BMP2K: variants seen among roughly 807,000 people sequenced by gnomAD.
The protein encoded by BMP2K is BMP-2-inducible protein kinase.
A neutral mutation model predicts 116.0 loss-of-function variants in BMP2K; 74 were observed. That is an observed-to-expected ratio of 0.64 (90% CI 0.53 to 0.77). BMP2K has a LOEUF of 0.77. Ranked by LOEUF, BMP2K falls within the 30% of genes least tolerant of loss-of-function variation. The pLI, the probability that BMP2K is intolerant of heterozygous loss-of-function variation, is 0.00. For synonymous variants in BMP2K, 486 were observed against 502.5 expected (o/e 0.97, Z 0.44); for missense variants, 1,365 against 1,403.6 (o/e 0.97, Z 0.44).
chr4:78,836,989 G>A (rs576757513), intron 3 of BMP2K, among the ~76,000 whole-genome samples: 37 of 151,888 alleles, frequency 2.4e-4, no homozygotes, highest in African/African-American at 7.7e-4. Context: ...TTTTTGTGGC[G>A]TTTTTGTCTT....
chr4:78,865,487 G>A, intron 9 of BMP2K, 70 bp from the exon 10 acceptor site: 3 of 1,433,638 alleles, frequency 2.1e-6, no homozygotes, highest in Non-Finnish European at 2.9e-6. Flanking sequence ...TGAGTTGGAT[G>A]CTTTATAGAA....
In BMP2K at chr4:78,879,010, C is replaced by T. The variant is rs139688273; in HGVS notation, c.1951+119C>T. 6.5e-4 allele frequency: 966 copies of T among 1,493,242 alleles called. 3 individuals carry two copies. In the African/African-American group the frequency reaches 0.013, roughly 20 times the overall value. The allele number at this position is 1,493,242 out of a possible 1,614,324, so 92.5% of individuals were successfully genotyped here. ...AAAATTCTTTTTGTGCATTTGAGGG[C>T]AAAATTCAGGCCATCTTCTTATACA... On this transcript the variant is annotated intron_variant, in intron 14 of 15. Transcript: ENST00000502613.
At chr4:78,804,523 A>G (rs958872625) in intron 1 of BMP2K, among the ~76,000 whole-genome samples, 1 of 152,150 alleles carries the variant, frequency 6.6e-6, no homozygotes, top group African/African-American at 2.4e-5. Flanking sequence ...TTTTTCCATA[A>G]TGGTTGCACA....
Position 78,878,872 on chromosome 4 carries a change from A to T in BMP2K, c.1932A>T (p.Glu644Asp). The T allele has an allele frequency of 6.2e-7, 1 of 1,612,512 alleles. No homozygotes were observed. Among genetic ancestry groups the T allele is most frequent in the South Asian group, 1.1e-5 (1 of 90,672 alleles). ...KLTEEELLDR[E>D]FDLLRSNRLE... ...CAGAAGAGGAACTATTGGACAGAGA[A>T]TTTGACCTTCTAAGATCAAGTAAGG... The change falls in exon 14 of 16, where the codon GAA becomes GAT. Residue 644 changes from glutamate to aspartate, a missense_variant. Coordinates refer to ENST00000502613, the MANE Select transcript of BMP2K (RefSeq NM_198892.2).
At chr4:78,886,914 A>G (rs1733124658) in intron 14 of BMP2K, among the ~76,000 whole-genome samples, 2 of 152,196 alleles carry the variant, frequency 1.3e-5, no homozygotes, top group Admixed American at 1.3e-4. Context: ...TAAATGAATC[A>G]GACTAAGTTT....
At chr4:78,823,698 G>A (rs2109995086) in intron 1 of BMP2K, among the ~76,000 whole-genome samples, 1 of 151,524 alleles carries the variant, frequency 6.6e-6, no homozygotes, top group Non-Finnish European at 1.5e-5. Flanking sequence ...TACTGATTCA[G>A]ACTTGGGGCC....
intron 2 of BMP2K, among the ~76,000 whole-genome samples, chr4:78,829,781 T>TCTC (rs1560518651): frequency 6.5e-5 from 7 of 107,814 alleles, no homozygotes; most frequent in Admixed American, 9.3e-5. Flanking sequence ...TTTTCTTTTC[T>TCTC]TTTCTTTTCT....
At chr4:78,789,002 T>C (rs1035699565) in intron 1 of BMP2K, among the ~76,000 whole-genome samples, 1 of 152,046 alleles carries the variant, frequency 6.6e-6, no homozygotes, top group African/African-American at 2.4e-5. Flanking sequence ...CTTTTTTTCT[T>C]TTGCTTTGGA....
chr4:78,840,241 T>C (rs569972178), intron 3 of BMP2K, among the ~76,000 whole-genome samples: 2 of 152,302 alleles, frequency 1.3e-5, no homozygotes, highest in South Asian at 2.1e-4. Context: ...TTGGAAAATA[T>C]GGAAAGAGTT....
chr4:78,865,748 C>CT, intron 10 of BMP2K, 28 bp downstream of exon 10: 1 of 1,607,608 alleles, frequency 6.2e-7, no homozygotes, highest in Non-Finnish European at 8.5e-7. Flanking sequence ...ACCTCATCCT[C>CT]TTAAAGGTTA....
At chr4:78,829,778 T>A (rs1230751142) in intron 2 of BMP2K, among the ~76,000 whole-genome samples, 3 of 106,296 alleles carry the variant, frequency 2.8e-5, no homozygotes, top group African/African-American at 1.4e-4. Context: ...TTCTTTTCTT[T>A]TCTTTTCTTT....
chr4:78,884,436 C>T (rs938105063), intron 14 of BMP2K, among the ~76,000 whole-genome samples: 2 of 152,156 alleles, frequency 1.3e-5, no homozygotes, highest in African/African-American at 4.8e-5. Context: ...CGGTTGGGTC[C>T]AGGTAACTAC....
intron 7 of BMP2K, among the ~76,000 whole-genome samples, chr4:78,852,817 T>A (rs1312703023): frequency 6.6e-6 from 1 of 152,116 alleles, no homozygotes; most frequent in African/African-American, 2.4e-5. Flanking sequence ...ATGCCCAGGC[T>A]GGTCTCAAAC....
At chr4:78,893,867 A>G (rs1412687576) in intron 15 of BMP2K, among the ~76,000 whole-genome samples, 1 of 152,218 alleles carries the variant, frequency 6.6e-6, no homozygotes, top group Non-Finnish European at 1.5e-5. Flanking sequence ...CCCAGCTAAT[A>G]AGACTTGAAA....
At chr4:78,898,429 T>C (rs1173866174) in intron 15 of BMP2K, among the ~76,000 whole-genome samples, 2 of 151,768 alleles carry the variant, frequency 1.3e-5, no homozygotes, top group African/African-American at 2.4e-5. Flanking sequence ...TTAGCAATAA[T>C]AGTTATATAT....
In BMP2K at chr4:78,870,211, C is replaced by T. The variant is rs138405568; in HGVS notation, c.1232-572C>T. On this transcript the variant is annotated intron_variant, in intron 10 of 15. Coordinates refer to ENST00000502613, the MANE Select transcript of BMP2K (RefSeq NM_198892.2). ...TCCATTACAGTGAGCATTTATTAAT[C>T]ATCTTTTGTATAAAAGGTTTTTTGG... is the stretch of plus-strand genomic sequence containing the variant. 3.1e-3 allele frequency among the ~76,000 whole-genome samples: 479 copies of T among 152,282 alleles called. 2 individuals are homozygous for T. Among genetic ancestry groups the T allele is most frequent in the Middle Eastern group, 6.8e-3 (2 of 294 alleles).
chr4:78,779,702 A>G (rs1376846496), intron 1 of BMP2K, among the ~76,000 whole-genome samples: 1 of 152,250 alleles, frequency 6.6e-6, no homozygotes, highest in Non-Finnish European at 1.5e-5. Flanking sequence ...AGATATGTAT[A>G]TGCACATATT....
At chr4:78,787,231 G>T (rs1160106161) in intron 1 of BMP2K, among the ~76,000 whole-genome samples, 4 of 152,196 alleles carry the variant, frequency 2.6e-5, no homozygotes, top group Non-Finnish European at 5.9e-5. Context: ...TTAGGAGAAG[G>T]CTGACTCTGT....
At chr4:78,889,970 C>T (rs927008272) in intron 15 of BMP2K, among the ~76,000 whole-genome samples, 5 of 152,172 alleles carry the variant, frequency 3.3e-5, no homozygotes, top group Non-Finnish European at 7.3e-5. Context: ...GTTCCTTACA[C>T]TGGTTTTATT....
Sources: allele counts gnomAD v4.1 joint callset (sites outside exome capture counted in the v4.1 genomes callset), GRCh38; gene constraint gnomAD v4.1.1; transcripts MANE v1.5; gene names NCBI Gene and HGNC (gene_info 2026-07-23, HGNC 2026-07-21).